SMARCA2: variants seen among roughly 807,000 people sequenced by gnomAD.
The protein encoded by SMARCA2 is SWI/SNF related BAF chromatin remodeling complex subunit ATPase 2, also known as SWI/SNF-related matrix-associated actin-dependent regulator of chromatin subfamily A member 2.
A neutral mutation model predicts 199.8 loss-of-function variants in SMARCA2; 61 were observed. The ratio of observed to expected loss-of-function variants is 0.31; its 90% CI spans 0.25 to 0.38. The LOEUF is 0.38. SMARCA2 is among the 10% of genes least tolerant of loss of function. SMARCA2 has a pLI of 1.00. For missense variants in SMARCA2, 1,344 were observed against 2,012.2 expected, an observed-to-expected ratio of 0.67 and a Z score of 6.35; for synonymous variants, 935 against 732.0, an observed-to-expected ratio of 1.28 and a Z score of -4.48.
chr9:2,120,444 T>C (rs1181486780), intron 26 of SMARCA2, among the ~76,000 whole-genome samples: 1 of 152,218 alleles, frequency 6.6e-6, no homozygotes. Context: ...GCTTGAAGTC[T>C]AGGTGTTTAT....
chr9:2,038,737 C>T (rs1455329885), intron 3 of SMARCA2, among the ~76,000 whole-genome samples: 1 of 152,046 alleles, frequency 6.6e-6, no homozygotes, highest in Non-Finnish European at 1.5e-5. Context: ...CCTTACCTTC[C>T]CAGTAAATTA....
At chr9:2,046,643 A>G (rs1264995570) in intron 4 of SMARCA2, among the ~76,000 whole-genome samples, 3 of 151,112 alleles carry the variant, frequency 2.0e-5, no homozygotes, top group African/African-American at 7.2e-5. Context: ...ATGGGTTCTG[A>G]CAGCAGGGCT....
At chr9:2,055,861 A>C (rs912486267) in intron 6 of SMARCA2, among the ~76,000 whole-genome samples, 1 of 152,208 alleles carries the variant, frequency 6.6e-6, no homozygotes, top group Admixed American at 6.5e-5. Flanking sequence ...ATTTTCCGGA[A>C]TATGTTTATG....
At chr9:2,088,971 C>T (rs571591360) in intron 19 of SMARCA2, among the ~76,000 whole-genome samples, 16 of 146,484 alleles carry the variant, frequency 1.1e-4, no homozygotes, top group Non-Finnish European at 2.1e-4. Context: ...GAAGATTTGG[C>T]GTTGGGGACT....
At chr9:2,185,089 G>T (rs954349107) in intron 31 of SMARCA2, among the ~76,000 whole-genome samples, 1 of 152,176 alleles carries the variant, frequency 6.6e-6, no homozygotes, top group Non-Finnish European at 1.5e-5. Context: ...CAGTTCAGTA[G>T]TGTTAAGTAT....
chr9:2,038,237 A>G (rs887242216), intron 3 of SMARCA2, among the ~76,000 whole-genome samples: 5 of 152,240 alleles, frequency 3.3e-5, no homozygotes, highest in African/African-American at 1.2e-4. Flanking sequence ...GACTTTGGGT[A>G]ACTGGTTTAC....
chr9:2,175,213 G>A (rs970621100), intron 29 of SMARCA2, among the ~76,000 whole-genome samples: 5 of 152,072 alleles, frequency 3.3e-5, no homozygotes, highest in Non-Finnish European at 7.4e-5. Context: ...TGAGAAAGAG[G>A]GCAGAAAAGT....
chr9:2,105,008 A>G (rs563296653), intron 23 of SMARCA2, among the ~76,000 whole-genome samples: 169 of 152,314 alleles, frequency 1.1e-3, no homozygotes, highest in African/African-American at 3.9e-3. Context: ...CAGTATTACT[A>G]TTGTTAAATG....
chr9:2,129,378 A>G (rs977764999), intron 27 of SMARCA2, among the ~76,000 whole-genome samples: 4 of 152,156 alleles, frequency 2.6e-5, no homozygotes, highest in African/African-American at 9.7e-5. Context: ...AGATCGTGCC[A>G]TTGCACTCCT....
At position 2,056,640 on chromosome 9, in the gene SMARCA2, G is replaced by T. The variant is rs1225964842; in HGVS notation, c.1174-32G>T. 6.3e-7 allele frequency: 1 copy of T among 1,594,188 alleles called. No individual in the cohort carries two copies. Among genetic ancestry groups the T allele is most frequent in the African/African-American group, 1.4e-5 (1 of 73,814 alleles). ...AGTTCAGGAACCTAGCTTCTGTTAG[G>T]GAAGGCTGTCTAACTGCTCTCTTCT... is the stretch of plus-strand genomic sequence containing the variant. On this transcript the variant is annotated intron_variant, in intron 6 of 33. Transcript: ENST00000349721. This position sits in a 1 kb window ranked among gnomAD's most constrained non-coding sequence, Gnocchi z 4.0.
At chr9:2,167,217 C>T (rs954023978) in intron 28 of SMARCA2, among the ~76,000 whole-genome samples, 11 of 152,220 alleles carry the variant, frequency 7.2e-5, no homozygotes, top group African/African-American at 2.4e-4. Flanking sequence ...CTTGAACTTA[C>T]TTGAAGTGGC....
At chr9:2,148,197 T>C (rs1158090539) in intron 27 of SMARCA2, among the ~76,000 whole-genome samples, 1 of 151,698 alleles carries the variant, frequency 6.6e-6, no homozygotes, top group Non-Finnish European at 1.5e-5. Context: ...TTACATTATA[T>C]TCATTTATGT....
At chr9:2,108,335 C>T (rs1025422531) in intron 23 of SMARCA2, among the ~76,000 whole-genome samples, 4 of 152,210 alleles carry the variant, frequency 2.6e-5, no homozygotes, top group African/African-American at 9.6e-5. Context: ...GCAAGACCTT[C>T]AGCTACTGCA....
At chr9:2,055,893 C>A (rs561555201) in intron 6 of SMARCA2, among the ~76,000 whole-genome samples, 5 of 152,074 alleles carry the variant, frequency 3.3e-5, no homozygotes, top group African/African-American at 1.2e-4. Flanking sequence ...GTTGCCATGA[C>A]GGACTCTTAT....
At chr9:2,038,572 A>T (rs1819435177) in intron 3 of SMARCA2, among the ~76,000 whole-genome samples, 1 of 152,156 alleles carries the variant, frequency 6.6e-6, no homozygotes, top group Non-Finnish European at 1.5e-5. Context: ...CCTTTCCTGA[A>T]ATAATTTGGA....
At chr9:2,044,198 C>G (rs900192866) in intron 4 of SMARCA2, 2 of 152,236 alleles carry the variant, frequency 1.3e-5, no homozygotes, top group Non-Finnish European at 2.9e-5. Flanking sequence ...GTTCCCCGGC[C>G]TCTGTTAAGT....
intron 9 of SMARCA2, among the ~76,000 whole-genome samples, chr9:2,068,407 A>C (rs892391487): frequency 1.3e-5 from 2 of 152,306 alleles, no homozygotes; most frequent in Non-Finnish European, 2.9e-5. Flanking sequence ...TTTGGCATAC[A>C]TACATACATG....
At chr9:2,091,316 C>G (rs1333469868) in intron 19 of SMARCA2, among the ~76,000 whole-genome samples, 2 of 152,192 alleles carry the variant, frequency 1.3e-5, no homozygotes, top group Non-Finnish European at 2.9e-5. Flanking sequence ...CGTTCTCCAT[C>G]CCTGTCTATA....
chr9:2,083,279 A>C, intron 15 of SMARCA2, 68 bp from the exon 16 acceptor site: 4 of 1,017,000 alleles, frequency 3.9e-6, no homozygotes, highest in Non-Finnish European at 5.9e-6. Context: ...ATGAATAAGA[A>C]CATCTTTTTA....
Sources: gnomAD v4.1 joint callset for allele counts (sites outside exome capture counted in the v4.1 genomes callset) on GRCh38, gnomAD v4.1.1 for gene constraint, Gnocchi (gnomAD v3.1) non-coding constraint, MANE v1.5 for transcripts, NCBI Gene and HGNC (gene_info 2026-07-23, HGNC 2026-07-21) for gene names.